GALNT13: variants seen among roughly 807,000 people sequenced by gnomAD.
GALNT13 encodes the protein polypeptide N-acetylgalactosaminyltransferase 13, also known as UDP-GalNAc:polypeptide N-acetylgalactosaminyltransferase 13.
In GALNT13, 28 loss-of-function variants were observed where a neutral mutation model predicts 64.2. The observed-to-expected ratio is 0.44, with a 90% CI of 0.32 to 0.60. The LOEUF is 0.60. Ranked by LOEUF, GALNT13 falls within the 20% of genes least tolerant of loss-of-function variation. The pLI, the probability that GALNT13 is intolerant of heterozygous loss-of-function variation, is 0.05. For missense variants in GALNT13, 577 were observed against 669.8 expected (o/e 0.86, Z 1.53); for synonymous variants, 214 against 224.6 (o/e 0.95, Z 0.42).
intron 3 of GALNT13, among the ~76,000 whole-genome samples, chr2:154,074,995 C>A (rs192641815): frequency 6.6e-6 from 1 of 151,876 alleles, no homozygotes; most frequent in Admixed American, 6.6e-5. Context: ...TGGAGAGAGA[C>A]AAGATGCTCA....
intron 4 of GALNT13, among the ~76,000 whole-genome samples, chr2:154,142,800 T>C (rs969625159): frequency 1.3e-5 from 2 of 151,684 alleles, no homozygotes; most frequent in Non-Finnish European, 1.5e-5. Flanking sequence ...GTAAAAATAA[T>C]TTTACATGTA....
the GALNT13 span, among the ~76,000 whole-genome samples, chr2:153,412,818 G>A: frequency 1.2e-4 from 19 of 152,130 alleles, no homozygotes; most frequent in Admixed American, 1.1e-3. Context: ...ATTAACTGTG[G>A]CAGTGGGTGA....
chr2:153,431,932 G>A, the GALNT13 span, among the ~76,000 whole-genome samples: 1 of 152,108 alleles, frequency 6.6e-6, no homozygotes, highest in Middle Eastern at 3.2e-3. Flanking sequence ...CTCAAGTATT[G>A]CAGCTGTAAT....
the GALNT13 span, among the ~76,000 whole-genome samples, chr2:153,308,953 A>T: frequency 6.6e-6 from 1 of 152,084 alleles, no homozygotes; most frequent in Non-Finnish European, 1.5e-5. Flanking sequence ...ATCTTTTATT[A>T]TTTAATATGT....
chr2:154,253,118 C>A (rs1690177292), intron 7 of GALNT13, among the ~76,000 whole-genome samples: 1 of 152,130 alleles, frequency 6.6e-6, no homozygotes, highest in South Asian at 2.1e-4. Flanking sequence ...TATTAACTCA[C>A]ATGATCCACA....
the GALNT13 span, among the ~76,000 whole-genome samples, chr2:153,243,321 G>T: frequency 6.6e-6 from 1 of 152,104 alleles, no homozygotes; most frequent in African/African-American, 2.4e-5. Context: ...TAATTCTAGG[G>T]ATCTGTTTTA....
At chr2:153,720,258 T>C in the GALNT13 span, among the ~76,000 whole-genome samples, 1 of 144,934 alleles carries the variant, frequency 6.9e-6, no homozygotes, top group African/African-American at 2.6e-5. Flanking sequence ...GTCCTGTCTG[T>C]TAGAAGGAAA....
the GALNT13 span, among the ~76,000 whole-genome samples, chr2:153,746,238 A>G: frequency 1.3e-5 from 2 of 152,154 alleles, no homozygotes; most frequent in Non-Finnish European, 2.9e-5. Context: ...TTATTTTTTA[A>G]AAACAAAAAT....
At chr2:154,319,869 T>A (rs905319263) in intron 9 of GALNT13, among the ~76,000 whole-genome samples, 8 of 152,100 alleles carry the variant, frequency 5.3e-5, no homozygotes, top group Non-Finnish European at 1.2e-4. Flanking sequence ...ATCATTTTTA[T>A]ATACAGTAAT....
chr2:153,716,072 C>G, the GALNT13 span, among the ~76,000 whole-genome samples: 297 of 152,248 alleles, frequency 2.0e-3, 2 homozygotes, highest in African/African-American at 6.5e-3. Flanking sequence ...AATACAACAA[C>G]AACAAAAACC....
chr2:154,014,330 C>G lies in GALNT13; in HGVS notation c.142+69691C>G, dbSNP rs781721602. 4.6e-5 allele frequency among the ~76,000 whole-genome samples: 7 copies of G among 152,208 alleles called. 1 individual carries two copies. Among genetic ancestry groups the G allele is most frequent in the Middle Eastern group, 3.4e-3 (1 of 294 alleles). ...CTCCTGCAACTAGGATTACGGGGGTCTGTGGCAAGGGTGGGCCACTCATCA... is the reference window on the plus strand; with the variant it reads ...CTCCTGCAACTAGGATTACGGGGGTGTGTGGCAAGGGTGGGCCACTCATCA... On this transcript the variant is annotated intron_variant, in intron 3 of 12. Coordinates refer to ENST00000392825, the MANE Select transcript of GALNT13 (RefSeq NM_052917.4).
the GALNT13 span, among the ~76,000 whole-genome samples, chr2:153,792,368 A>C: frequency 1.3e-5 from 2 of 152,244 alleles, no homozygotes; most frequent in Admixed American, 1.3e-4. Context: ...ATGTATTATA[A>C]ATAATCTAGA....
intron 9 of GALNT13, among the ~76,000 whole-genome samples, chr2:154,347,647 A>G (rs1696147290): frequency 6.6e-6 from 1 of 152,276 alleles, no homozygotes; most frequent in South Asian, 2.1e-4. Flanking sequence ...TGGTCTTTTC[A>G]ATTCTGCCCA....
At chr2:153,561,374 T>C in the GALNT13 span, among the ~76,000 whole-genome samples, 1 of 152,072 alleles carries the variant, frequency 6.6e-6, no homozygotes, top group East Asian at 1.9e-4. Flanking sequence ...GATAATGAGA[T>C]ATCTTGGGAA....
the GALNT13 span, among the ~76,000 whole-genome samples, chr2:153,233,615 A>T: frequency 1.3e-5 from 2 of 152,158 alleles, no homozygotes; most frequent in African/African-American, 4.8e-5. Context: ...TTAAATTCCT[A>T]AACTACTTTT....
At chr2:153,531,826 G>C in the GALNT13 span, among the ~76,000 whole-genome samples, 1 of 152,146 alleles carries the variant, frequency 6.6e-6, no homozygotes, top group African/African-American at 2.4e-5. Context: ...ATGCAAGTCC[G>C]AAACCCAGCA....
intron 3 of GALNT13, among the ~76,000 whole-genome samples, chr2:153,994,013 C>A (rs879814130): frequency 9.2e-5 from 14 of 151,866 alleles, no homozygotes; most frequent in Non-Finnish European, 1.9e-4. Context: ...TGTGCTGCAC[C>A]CATTAACTCA....
chr2:153,144,955 T>C, the GALNT13 span, among the ~76,000 whole-genome samples: 3 of 151,996 alleles, frequency 2.0e-5, no homozygotes, highest in Non-Finnish European at 4.4e-5. Context: ...TATCATAATG[T>C]CTGACAAATA....
chr2:153,599,134 G>T, the GALNT13 span, among the ~76,000 whole-genome samples: 1 of 152,046 alleles, frequency 6.6e-6, no homozygotes, highest in African/African-American at 2.4e-5. Context: ...AATAGTAATT[G>T]ACTGCATGCT....
Sources: allele counts gnomAD v4.1 joint callset (sites outside exome capture counted in the v4.1 genomes callset), GRCh38; gene constraint gnomAD v4.1.1; transcripts MANE v1.5; gene names NCBI Gene and HGNC (gene_info 2026-07-23, HGNC 2026-07-21).